The following CASZ1 variants were observed in gnomAD, a reference collection of about 807,000 sequenced individuals.
CASZ1 encodes the protein castor zinc finger 1.
A neutral mutation model predicts 135.2 loss-of-function variants in CASZ1; 28 were observed. The ratio of observed to expected loss-of-function variants is 0.21; its 90% CI spans 0.15 to 0.28. CASZ1 has a LOEUF of 0.28. CASZ1 is among the 10% of genes least tolerant of loss of function. The probability of loss-of-function intolerance (pLI) is 1.00; values close to 1 mark genes in which losing one functional copy is unlikely to be tolerated. For missense variants in CASZ1, 2,161 were observed against 2,453.3 expected (o/e 0.88, Z 2.52); for synonymous variants, 1,068 against 1,073.4 (o/e 0.99, Z 0.10).
intron 4 of CASZ1, among the ~76,000 whole-genome samples, chr1:10,692,444 T>G: frequency 1.4e-5 from 2 of 141,578 alleles, no homozygotes; most frequent in African/African-American, 2.8e-5. Context: ...GAGAGGGAGG[T>G]GATGAGACAC....
At chr1:10,751,090 T>C (rs965017532) in intron 2 of CASZ1, among the ~76,000 whole-genome samples, 2 of 151,292 alleles carry the variant, frequency 1.3e-5, no homozygotes, top group South Asian at 4.2e-4. Flanking sequence ...TATTATTAAT[T>C]ATTATTATTA....
rs1641020927 is a variant in CASZ1 at position 10,794,284 on chromosome 1, C to G, written c.-234+2280G>C. Among the ~76,000 whole-genome samples, 1 of 152,052 alleles carries G rather than the reference C, an allele frequency of 6.6e-6. No homozygotes were observed. The highest frequency in any genetic ancestry group is 2.4e-5 in the African/African-American group (1 of 41,378). ...TTCCAGTCCCCTCGTGCGCTCTCAC[C>G]GCGCGCCTGTACCAGCTCGGAGACG... On this transcript the variant is annotated intron_variant, in intron 1 of 20. Coordinates refer to ENST00000377022, the MANE Select transcript of CASZ1 (RefSeq NM_001079843.3). The surrounding 1 kb of genome is among the most constrained non-coding windows in gnomAD (Gnocchi z 5.6).
In CASZ1 at chr1:10,700,022, A is replaced by AAGAGAGAGAGAGAC. The variant is rs989352040; in HGVS notation, c.-24+5456_-24+5469dup. ...AGAGAGAGAGAAACAGAGACAGAGAAAGAGAGAGAGAGACAGAGAGAGAGA... is the reference window on the plus strand; with the variant it reads ...AGAGAGAGAGAAACAGAGACAGAGAAAGAGAGAGAGAGACAGAGAGAGAGAGACAGAGAGAGAGA... On this transcript the variant is annotated intron_variant, in intron 3 of 20. Coordinates refer to ENST00000377022, the MANE Select transcript of CASZ1 (RefSeq NM_001079843.3). The surrounding 1 kb of genome is among the most constrained non-coding windows in gnomAD (Gnocchi z 4.2). Among the ~76,000 whole-genome samples the AAGAGAGAGAGAGAC allele has an allele frequency of 4.1e-5, 6 of 145,968 alleles. No homozygotes were observed. The highest frequency in any genetic ancestry group is 9.1e-5 in the Non-Finnish European group (6 of 66,208).
At chr1:10,663,477 G>C (rs993495038) in intron 5 of CASZ1, among the ~76,000 whole-genome samples, 1 of 152,242 alleles carries the variant, frequency 6.6e-6, no homozygotes, top group Non-Finnish European at 1.5e-5. Flanking sequence ...ACAGGGTTGG[G>C]GGGCCCAGCT....
chr1:10,734,552 T>A (rs1639760780), intron 2 of CASZ1, among the ~76,000 whole-genome samples: 1 of 152,096 alleles, frequency 6.6e-6, no homozygotes, highest in Non-Finnish European at 1.5e-5. Flanking sequence ...AATACACTAA[T>A]TAAAATTTTG....
rs141418716 is a variant in CASZ1, at chr1:10,776,309, A to T, written c.-233-15452T>A. Among the ~76,000 whole-genome samples, 5 of 152,326 alleles carry T rather than the reference A, an allele frequency of 3.3e-5. No individual in the cohort carries two copies. The East Asian group carries it at 9.6e-4, about 29-fold the overall frequency. Reference sequence around the variant, plus strand: ...TTCTCATCCCCTTAATCTCCATAGTAGTGGCTTCAAAATCATTCCTCCCAG... The same window carrying T: ...TTCTCATCCCCTTAATCTCCATAGTTGTGGCTTCAAAATCATTCCTCCCAG... On this transcript the variant is annotated intron_variant, in intron 1 of 20. Transcript: ENST00000377022. The surrounding 1 kb of genome is among the most constrained non-coding windows in gnomAD (Gnocchi z 4.1).
chr1:10,795,040 A>C (rs1041495401), intron 1 of CASZ1, among the ~76,000 whole-genome samples: 9 of 152,098 alleles, frequency 5.9e-5, no homozygotes, highest in Non-Finnish European at 1.2e-4. Flanking sequence ...GAGAAAGAAC[A>C]GAAAGCAAAA....
intron 2 of CASZ1, among the ~76,000 whole-genome samples, chr1:10,737,344 G>C (rs983286100): frequency 2.7e-5 from 4 of 149,524 alleles, no homozygotes; most frequent in African/African-American, 4.9e-5. Context: ...TGGGCATGGA[G>C]CCCAGGGCTG....
intron 11 of CASZ1, chr1:10,652,608 A>T (rs1465815684): frequency 2.6e-5 from 4 of 152,276 alleles, no homozygotes; most frequent in Non-Finnish European, 4.4e-5. Flanking sequence ...AAATTTTTTT[A>T]AAATGGATAT....
chr1:10,686,000 A>C (rs970402410), intron 4 of CASZ1, among the ~76,000 whole-genome samples: 2 of 152,188 alleles, frequency 1.3e-5, no homozygotes, highest in Non-Finnish European at 2.9e-5. Context: ...CAAGTCACAC[A>C]AACCAGCTCC....
intron 1 of CASZ1, among the ~76,000 whole-genome samples, chr1:10,789,846 G>C (rs1056310542): frequency 6.6e-6 from 1 of 152,202 alleles, no homozygotes; most frequent in African/African-American, 2.4e-5. Context: ...GGCCCAGCTT[G>C]CCTGCAAAAC....
chr1:10,643,464 A>G (rs1338973538), intron 18 of CASZ1, among the ~76,000 whole-genome samples, 153 bp from the exon 19 acceptor site: 1 of 152,192 alleles, frequency 6.6e-6, no homozygotes, highest in African/African-American at 2.4e-5. Context: ...TGGCAGTCTT[A>G]GGAGGAAGGT....
In CASZ1 at chr1:10,759,738, G is replaced by A. The variant is rs1251060294; in HGVS notation, c.-77+963C>T. ...GGGGCAGGACACACCTGCCCAGAGT[G>A]ACCATGGGGAGGAAGAGCGCAGGCA... On this transcript the variant is annotated intron_variant, in intron 2 of 20. Coordinates refer to ENST00000377022, the MANE Select transcript of CASZ1 (RefSeq NM_001079843.3). The surrounding 1 kb of genome is among the most constrained non-coding windows in gnomAD (Gnocchi z 4.2). Among the ~76,000 whole-genome samples, 1 of 152,158 alleles carries A rather than the reference G, an allele frequency of 6.6e-6. No individual in the cohort carries two copies. Among genetic ancestry groups the A allele is most frequent in the Non-Finnish European group, 1.5e-5 (1 of 68,032 alleles).
intron 2 of CASZ1, among the ~76,000 whole-genome samples, chr1:10,730,676 A>G (rs1639687835): frequency 6.6e-6 from 1 of 152,264 alleles, no homozygotes; most frequent in Non-Finnish European, 1.5e-5. Flanking sequence ...TTTGTTGCCA[A>G]TGATAAAATC....
chr1:10,701,266 G>A lies in CASZ1; in HGVS notation c.-24+4226C>T, dbSNP rs1308866673. On this transcript the variant is annotated intron_variant, in intron 3 of 20. Coordinates refer to ENST00000377022, the MANE Select transcript of CASZ1 (RefSeq NM_001079843.3). The surrounding 1 kb of genome is among the most constrained non-coding windows in gnomAD (Gnocchi z 6.3). Reference sequence around the variant, plus strand: ...CCCTGGAGAGGAGGCTGCCCACCGTGGCAGCCGGGTTCCCGTGCGCACTCT... The same window carrying A: ...CCCTGGAGAGGAGGCTGCCCACCGTAGCAGCCGGGTTCCCGTGCGCACTCT... Among the ~76,000 whole-genome samples the A allele has an allele frequency of 6.6e-6, 1 of 152,140 alleles. No homozygotes were observed. Among genetic ancestry groups the A allele is most frequent in the Non-Finnish European group, 1.5e-5 (1 of 68,002 alleles).
intron 1 of CASZ1, among the ~76,000 whole-genome samples, chr1:10,789,986 G>A (rs908400351): frequency 1.3e-5 from 2 of 151,916 alleles, no homozygotes. Flanking sequence ...GGGGGCCCGA[G>A]GTGGGGGTGC....
At chr1:10,795,132 C>T (rs1029422309) in intron 1 of CASZ1, among the ~76,000 whole-genome samples, 1 of 152,194 alleles carries the variant, frequency 6.6e-6, no homozygotes, top group African/African-American at 2.4e-5. Context: ...CTCCGCCCGT[C>T]CGGCTCACCC....
chr1:10,664,291 G>C (rs1438237531), intron 5 of CASZ1, among the ~76,000 whole-genome samples: 1 of 152,130 alleles, frequency 6.6e-6, no homozygotes, highest in Non-Finnish European at 1.5e-5. Flanking sequence ...AGAAGGCCCA[G>C]ACCTGGGGGC....
intron 15 of CASZ1, 159 bp downstream of exon 15, chr1:10,648,911 G>A (rs1326704008): frequency 1.0e-6 from 1 of 992,062 alleles, no homozygotes; most frequent in African/African-American, 1.6e-5. Context: ...GTGTGAAGGA[G>A]GATGGGAAGC....
Sources: allele counts gnomAD v4.1 joint callset (sites outside exome capture counted in the v4.1 genomes callset), GRCh38; gene constraint gnomAD v4.1.1; non-coding constraint Gnocchi (gnomAD v3.1); transcripts MANE v1.5; gene names NCBI Gene and HGNC (gene_info 2026-07-23, HGNC 2026-07-21).